ASB2: variants seen among roughly 807,000 people sequenced by gnomAD.
ASB2 encodes the protein ankyrin repeat and SOCS box protein 2.
Under a neutral mutation model 62.4 loss-of-function variants are expected in ASB2, and 58 were observed. The ratio of observed to expected loss-of-function variants is 0.93; its 90% CI spans 0.75 to 1.16. ASB2 has a LOEUF of 1.16. Among genes scored for constraint, ASB2 ranks in the 50% most tolerant of loss-of-function variants. The pLI is 0.00. For synonymous variants in ASB2, 386 were observed against 385.3 expected (o/e 1.00, Z -0.02); for missense variants, 928 against 887.9 (o/e 1.05, Z -0.57).
intron 2 of ASB2, among the ~76,000 whole-genome samples, chr14:93,962,251 A>G (rs1210479705): frequency 6.7e-6 from 1 of 149,722 alleles, no homozygotes; most frequent in African/African-American, 2.5e-5. Flanking sequence ...AGTAGCTGGG[A>G]CTACAGGCGC....
intron 2 of ASB2, among the ~76,000 whole-genome samples, chr14:93,962,779 A>G (rs1166703272): frequency 2.6e-5 from 4 of 152,206 alleles, no homozygotes; most frequent in African/African-American, 9.7e-5. Context: ...TTCATGCAGC[A>G]GGCCCTGTCT....
chr14:93,974,032 G>A (rs1889838116), intron 1 of ASB2: 1 of 152,230 alleles, frequency 6.6e-6, no homozygotes, highest in Non-Finnish European at 1.5e-5. Context: ...GGCAGGGCAG[G>A]GGGAATCCTC....
intron 1 of ASB2, among the ~76,000 whole-genome samples, chr14:93,972,396 T>C (rs983705710): frequency 6.6e-6 from 1 of 152,182 alleles, no homozygotes; most frequent in Non-Finnish European, 1.5e-5. Flanking sequence ...TCCTGTTGTT[T>C]TAGAACCTAA....
intron 2 of ASB2, among the ~76,000 whole-genome samples, chr14:93,962,306 G>A (rs1374921294): frequency 6.6e-6 from 1 of 151,832 alleles, no homozygotes; most frequent in Non-Finnish European, 1.5e-5. Flanking sequence ...AGTAGAGACG[G>A]GGTTTCACCG....
chr14:93,964,882 C>T (rs1889538248), intron 1 of ASB2, among the ~76,000 whole-genome samples: 1 of 151,992 alleles, frequency 6.6e-6, no homozygotes, highest in Non-Finnish European at 1.5e-5. Context: ...TATTATCTAC[C>T]TTCCCATCCA....
chr14:93,953,689 T>A (rs1418549178), intron 4 of ASB2, among the ~76,000 whole-genome samples, 182 bp from the exon 5 acceptor site: 5 of 152,216 alleles, frequency 3.3e-5, no homozygotes, highest in African/African-American at 4.8e-5. Context: ...GTCGTACACG[T>A]CCAAGCTCAG....
intron 1 of ASB2, among the ~76,000 whole-genome samples, chr14:93,966,416 CCTTT>C (rs1273351553): frequency 2.6e-5 from 4 of 152,222 alleles, no homozygotes; most frequent in Non-Finnish European, 5.9e-5. Context: ...GGAAGACTTT[CCTTT>C]CTAATAAAAG....
intron 1 of ASB2, 82 bp downstream of exon 1, chr14:93,976,352 A>G (rs1319895542): frequency 6.6e-6 from 1 of 152,256 alleles, no homozygotes; most frequent in Non-Finnish European, 1.5e-5. Flanking sequence ...AGCGGTTTCC[A>G]GTAAGTACTG....
chr14:93,958,424 A>G (rs1313900271), intron 2 of ASB2, among the ~76,000 whole-genome samples: 1 of 152,064 alleles, frequency 6.6e-6, no homozygotes, highest in Non-Finnish European at 1.5e-5. Context: ...CTGTCCTCTG[A>G]AGGCCTGGCC....
rs55666799 is a variant in ASB2 at position 93,947,995 on chromosome 14, GAAAAAAA to G, written c.881-482_881-476del. Among the ~76,000 whole-genome samples, 49 of 72,494 alleles carry G rather than the reference GAAAAAAA, an allele frequency of 6.8e-4. No homozygotes were observed. In the South Asian group the frequency reaches 0.017, roughly 25 times the overall value. 47.6% of individuals were successfully genotyped at this position (72,494 alleles called of 152,430 possible). A position where few individuals can be genotyped will look rare whatever the true frequency, so the allele number is the denominator to read the frequency against. On this transcript the variant is annotated intron_variant, in intron 6 of 9. Transcript: ENST00000555019. ...GGCAACAAGAGTGAAACTCCGCCTG[GAAAAAAA>G]AAAAAAAAAAAAAAAAGACCCAGGG...
chr14:93,975,665 C>T (rs1889891537), intron 1 of ASB2, among the ~76,000 whole-genome samples: 1 of 152,202 alleles, frequency 6.6e-6, no homozygotes, highest in African/African-American at 2.4e-5. Context: ...CCATTTTTCA[C>T]ATGCAGAACC....
intron 7 of ASB2, chr14:93,940,366 C>A (rs1262860704): frequency 2.0e-5 from 3 of 152,260 alleles, no homozygotes; most frequent in Non-Finnish European, 4.4e-5. Context: ...GATTAAGGGG[C>A]TTGCCCAGTC....
Position 93,956,761 on chromosome 14 carries a change from C to T in ASB2, c.311+5G>A, listed in dbSNP as rs779390026. ...TGGTCCTGGGGCCAGACAGGAGTCA[C>T]TTACGCCAGCTGGGAGGTCTTGAAC... is the stretch of plus-strand genomic sequence containing the variant. On this transcript the variant is annotated splice_donor_5th_base_variant and intron_variant, in intron 3 of 9. Transcript: ENST00000555019. 25 of 1,614,154 alleles carry T rather than the reference C, an allele frequency of 1.5e-5. No individual in the cohort carries two copies. Among genetic ancestry groups the T allele is most frequent in the Non-Finnish European group, 2.0e-5 (24 of 1,180,018 alleles).
intron 7 of ASB2, among the ~76,000 whole-genome samples, chr14:93,943,706 C>T (rs540049673): frequency 6.6e-5 from 10 of 152,320 alleles, no homozygotes; most frequent in Middle Eastern, 3.4e-3. Flanking sequence ...TGCCCACAGA[C>T]GGCTCCATTG....
chr14:93,937,608 A>G, intron 9 of ASB2, 90 bp downstream of exon 9: 1 of 1,306,394 alleles, frequency 7.7e-7, no homozygotes, highest in Non-Finnish European at 1.0e-6. Flanking sequence ...AGGTGCTCAC[A>G]GGGTTAGGAA....
At chr14:93,938,899 C>A (rs994702222) in intron 8 of ASB2, among the ~76,000 whole-genome samples, 22 of 152,242 alleles carry the variant, frequency 1.4e-4, no homozygotes, top group Non-Finnish European at 2.1e-4. Context: ...GCGCCCTAAG[C>A]GCTAACCCAC....
At chr14:93,957,290 A>G in intron 2 of ASB2, 1 of 1,113,398 alleles carries the variant, frequency 9.0e-7, no homozygotes, top group Non-Finnish European at 1.1e-6. Context: ...GGGCTGGATG[A>G]GAGATTCATG....
At chr14:93,962,214 A>G (rs1203898089) in intron 2 of ASB2, among the ~76,000 whole-genome samples, 1 of 127,600 alleles carries the variant, frequency 7.8e-6, no homozygotes, top group African/African-American at 3.0e-5. Context: ...TCCCGGGTTC[A>G]CACCATTCTC....
rs149805974 is a variant in ASB2 at position 93,935,042 on chromosome 14, G to A, written c.1772-250C>T. Among the ~76,000 whole-genome samples the A allele has an allele frequency of 6.6e-5, 10 of 152,310 alleles. No homozygotes were observed. In the East Asian group the frequency reaches 1.9e-3, roughly 29 times the overall value. On this transcript the variant is annotated intron_variant, in intron 9 of 9. Coordinates refer to ENST00000555019, the MANE Select transcript of ASB2 (RefSeq NM_001202429.2). Reference sequence around the variant, plus strand: ...TGGTTAGCACACCCATTTCACAGGTGCGGAAACCGAGGCTTAGCAAGGTTC... The same window carrying A: ...TGGTTAGCACACCCATTTCACAGGTACGGAAACCGAGGCTTAGCAAGGTTC...
Sources: allele counts gnomAD v4.1 joint callset (sites outside exome capture counted in the v4.1 genomes callset), GRCh38; gene constraint gnomAD v4.1.1; transcripts MANE v1.5; gene names NCBI Gene and HGNC (gene_info 2026-07-23, HGNC 2026-07-21).